Variants in RYR1 observed in about 807,000 individuals in gnomAD.
RYR1 encodes central core disease of muscle.
A neutral mutation model predicts 583.5 loss-of-function variants in RYR1; 342 were observed. The observed-to-expected ratio is 0.59, with a 90% confidence interval of 0.54 to 0.64. The LOEUF (loss-of-function observed/expected upper bound fraction) is 0.64, where lower values mean the gene tolerates loss of function less well. RYR1 is among the 30% of genes least tolerant of loss of function. The pLI is 0.00. For missense variants in RYR1, 6,032 were observed against 6,917.2 expected, an observed-to-expected ratio of 0.87 and a Z score of 4.54; for synonymous variants, 2,791 against 2,822.5, an observed-to-expected ratio of 0.99 and a Z score of 0.35.
chr19:38,537,865 CT>C lies in RYR1; in HGVS notation c.11609-14del. On this transcript the variant is annotated splice_polypyrimidine_tract_variant and intron_variant, in intron 83 of 105. Transcript: ENST00000359596. Reference sequence around the variant, plus strand: ...TCTGACCCCTCCTGGGCCCTGTCCCCTCCCTTCCACCTAGGAGAGAAGGTCA... The same window carrying C: ...TCTGACCCCTCCTGGGCCCTGTCCCCCCCTTCCACCTAGGAGAGAAGGTCA... The C allele has an allele frequency of 6.2e-7, 1 of 1,613,516 alleles. No homozygotes were observed. Among genetic ancestry groups the C allele is most frequent in the Non-Finnish European group, 8.5e-7 (1 of 1,179,724 alleles).
rs751531998 is a variant in RYR1 at position 38,548,360 on chromosome 19, A to G, written c.12222A>G (p.Glu4074=). The G allele has an allele frequency of 6.2e-6, 10 of 1,614,052 alleles. No individual in the cohort carries two copies. The Admixed American group carries it at 1.0e-4, about 16-fold the overall frequency. The change falls in exon 89 of 106, where the codon GAA becomes GAG. Residue 4074 remains glutamate (E), a synonymous_variant. Coordinates refer to ENST00000359596, the MANE Select transcript of RYR1 (RefSeq NM_000540.3). ...AACTCAAGGACATTGTGGGCTCTGA[A>G]GCCTTCCAGGACTACGTAACGGATC... The part of the protein sequence containing the change: ...FLKLKDIVGS[E]AFQDYVTDPR...
chr19:38,467,554 G>A, intron 24 of RYR1, 56 bp from the exon 25 acceptor site: 1 of 1,587,436 alleles, frequency 6.3e-7, no homozygotes, highest in Non-Finnish European at 8.7e-7. Flanking sequence ...ACTTCTCGAT[G>A]TCTTGGGATC....
intron 67 of RYR1, among the ~76,000 whole-genome samples, chr19:38,521,417 T>C (rs1971219942): frequency 6.6e-6 from 1 of 151,632 alleles, no homozygotes; most frequent in Non-Finnish European, 1.5e-5. Context: ...CTCGTGACTG[T>C]AATCCCAGCA....
Position 38,458,241 on chromosome 19 carries a change from G to A in RYR1, c.2116G>A (p.Val706Ile), listed in dbSNP as rs141717554. ...CGGCGAGGGCTGGGGCGGCAACGGG[G>A]TCGGCGATGACCTCTATTCCTACGG... ...GAGEGWGGNG[V>I]GDDLYSYGFD... Residue 706 changes from valine (V) to isoleucine (I), a missense_variant, in exon 18 of 106, where the codon GTC (valine) becomes ATC (isoleucine). Coordinates refer to ENST00000359596, the MANE Select transcript of RYR1 (RefSeq NM_000540.3). The A allele has an allele frequency of 6.2e-5, 100 of 1,613,932 alleles. No individual in the cohort carries two copies. The highest frequency in any genetic ancestry group is 7.2e-5 in the Non-Finnish European group (85 of 1,180,024).
At chr19:38,572,769 C>T (rs531003804) in intron 95 of RYR1, among the ~76,000 whole-genome samples, 2 of 151,734 alleles carry the variant, frequency 1.3e-5, no homozygotes, top group Admixed American at 6.6e-5. Flanking sequence ...TGTGCCCCAC[C>T]CCCATTCCAG....
At chr19:38,544,825 A>G (rs1205499440) in intron 87 of RYR1, among the ~76,000 whole-genome samples, 1 of 152,226 alleles carries the variant, frequency 6.6e-6, no homozygotes, top group African/African-American at 2.4e-5. Flanking sequence ...TTCATCCGCC[A>G]CCATCTAGTC....
Position 38,444,576 on chromosome 19 carries a change from G to GC in RYR1, c.538-3dup. On this transcript the variant is annotated splice_polypyrimidine_tract_variant and splice_region_variant and intron_variant, in intron 6 of 105. Coordinates refer to ENST00000359596, the MANE Select transcript of RYR1 (RefSeq NM_000540.3). The surrounding 1 kb of genome is among the most constrained non-coding windows in gnomAD (Gnocchi z 5.1). Reference sequence around the variant, plus strand: ...CGTCTCTGACTGCCGCATCCTGGTGGCCCCCAGCACCTGTCGACCGCCAGT... The same window carrying GC: ...CGTCTCTGACTGCCGCATCCTGGTGGCCCCCCAGCACCTGTCGACCGCCAGT... The GC allele has an allele frequency of 6.2e-7, 1 of 1,612,436 alleles. No individual in the cohort carries two copies. Among genetic ancestry groups the GC allele is most frequent in the Non-Finnish European group, 8.5e-7 (1 of 1,179,140 alleles).
chr19:38,435,595 G>A (rs1972391206), intron 1 of RYR1, among the ~76,000 whole-genome samples: 1 of 152,064 alleles, frequency 6.6e-6, no homozygotes, highest in African/African-American at 2.4e-5. Flanking sequence ...TATTAGCCAG[G>A]CGTGGTGGTG....
intron 27 of RYR1, 93 bp downstream of exon 27, chr19:38,469,606 T>G: frequency 2.3e-6 from 3 of 1,299,818 alleles, no homozygotes; most frequent in Non-Finnish European, 3.3e-6. Context: ...TCCCTCCATG[T>G]TAGGACACAA....
chr19:38,485,568 C>T (rs769307639), intron 33 of RYR1, 22 bp from the exon 34 acceptor site: 80 of 1,606,372 alleles, frequency 5.0e-5, no homozygotes, highest in Non-Finnish European at 6.6e-5. Flanking sequence ...CTGTCCCTGT[C>T]TGTTTCCCAC....
intron 76 of RYR1, among the ~76,000 whole-genome samples, 189 bp from the exon 77 acceptor site, chr19:38,532,301 T>C (rs1205980714): frequency 1.3e-5 from 2 of 152,036 alleles, no homozygotes; most frequent in African/African-American, 4.8e-5. Context: ...TTTTGTACTT[T>C]TAGTAGAGAC....
intron 94 of RYR1, among the ~76,000 whole-genome samples, chr19:38,571,176 C>T (rs1284382819): frequency 6.6e-6 from 1 of 152,154 alleles, no homozygotes; most frequent in Admixed American, 6.5e-5. Context: ...GATAACAGGA[C>T]AGTAAGGTAG....
At position 38,504,286 on chromosome 19, in the gene RYR1, G is replaced by T; in HGVS notation, c.7993G>T (p.Gly2665Trp). Residue 2665 changes from glycine to tryptophan, a missense_variant, in exon 50 of 106, where the codon GGG becomes TGG. By Grantham distance (184) the Gly-to-Trp change is radical. This residue lies in a region of RYR1 where 1,493 missense variants were observed against 1,715.5 expected (regional missense o/e 0.87). Coordinates refer to ENST00000359596, the MANE Select transcript of RYR1 (RefSeq NM_000540.3). ...YCLPTGWANF[G>W]VTSEEELHLT... ...CCTACCCACGGGCTGGGCCAACTTC[G>T]GGGTCACCTCAGAGGAGGAGCTGCA... is the stretch of plus-strand genomic sequence containing the variant. 1 of 1,614,042 alleles carries T rather than the reference G, an allele frequency of 6.2e-7. No individual in the cohort carries two copies. Among genetic ancestry groups the T allele is most frequent in the Non-Finnish European group, 8.5e-7 (1 of 1,180,008 alleles).
chr19:38,504,509 TTCG>T (rs1970349684), intron 50 of RYR1, 149 bp downstream of exon 50: 3 of 1,181,570 alleles, frequency 2.5e-6, no homozygotes, highest in Non-Finnish European at 2.4e-6. Flanking sequence ...GGGTTGAGGC[TTCG>T]ATTTGGAGGT....
chr19:38,495,980 C>T (rs1307225257), intron 39 of RYR1, among the ~76,000 whole-genome samples: 3 of 152,138 alleles, frequency 2.0e-5, no homozygotes, highest in Non-Finnish European at 2.9e-5. Flanking sequence ...CCAGGCTGAT[C>T]TCGATCTCCT....
At chr19:38,456,874 G>A (rs1169544940) in intron 16 of RYR1, among the ~76,000 whole-genome samples, 1 of 151,042 alleles carries the variant, frequency 6.6e-6, no homozygotes, top group Admixed American at 6.6e-5. Flanking sequence ...GTGAAACCCT[G>A]TCTCTACTAA....
chr19:38,504,531 AG>A (rs1330783506), intron 50 of RYR1, among the ~76,000 whole-genome samples, 171 bp downstream of exon 50: 1 of 151,806 alleles, frequency 6.6e-6, no homozygotes, highest in Non-Finnish European at 1.5e-5. Flanking sequence ...GTTATGAAAG[AG>A]GGGGTGGACC....
intron 89 of RYR1, among the ~76,000 whole-genome samples, chr19:38,554,215 G>T (rs532248925): frequency 1.3e-5 from 2 of 150,480 alleles, no homozygotes; most frequent in Non-Finnish European, 3.0e-5. Flanking sequence ...ACTTTGAGAG[G>T]CTGAGGCATG....
chr19:38,441,104 C>T lies in RYR1; in HGVS notation c.165+240C>T, dbSNP rs548744726. 3.3e-5 allele frequency among the ~76,000 whole-genome samples: 5 copies of T among 151,288 alleles called. No individual in the cohort carries two copies. In the South Asian group the frequency reaches 1.0e-3, roughly 32 times the overall value. On this transcript the variant is annotated intron_variant, in intron 2 of 105. Transcript: ENST00000359596. ...CTGTGTGCACAGAAGTGTGGTAGGCCAGGGCGGGGGCTGCTGATCCAGAAC... is the reference window on the plus strand; with the variant it reads ...CTGTGTGCACAGAAGTGTGGTAGGCTAGGGCGGGGGCTGCTGATCCAGAAC...
Sources: gnomAD v4.1 joint callset for allele counts (sites outside exome capture counted in the v4.1 genomes callset) on GRCh38, gnomAD v4.1.1 for gene constraint, gnomAD v4.1.1 regional missense constraint, Gnocchi (gnomAD v3.1) non-coding constraint, MANE v1.5 for transcripts, NCBI Gene and HGNC (gene_info 2026-07-23, HGNC 2026-07-21) for gene names.